The following DLEC1 variants were observed in gnomAD, a reference collection of about 807,000 sequenced individuals.
DLEC1 encodes deleted in lung and esophageal cancer protein 1.
DLEC1 carries 146 observed loss-of-function variants against 198.1 expected under a neutral mutation model. The ratio of observed to expected loss-of-function variants is 0.74; its 90% CI spans 0.64 to 0.85. DLEC1 has a LOEUF of 0.85. Among genes scored for constraint, DLEC1 ranks in the 40% least tolerant of loss-of-function variants. DLEC1 has a pLI of 0.00. For missense variants in DLEC1, 2,233 were observed against 2,220.0 expected, an observed-to-expected ratio of 1.01 and a Z score of -0.12; for synonymous variants, 897 against 866.8, an observed-to-expected ratio of 1.03 and a Z score of -0.61.
chr3:38,048,668 A>G (rs1055592378), intron 2 of DLEC1, among the ~76,000 whole-genome samples: 2 of 152,222 alleles, frequency 1.3e-5, no homozygotes, highest in African/African-American at 4.8e-5. Context: ...GTCTGCTGTC[A>G]AAACCCATGG....
chr3:38,053,059 C>T (rs554377862), intron 2 of DLEC1, among the ~76,000 whole-genome samples: 38 of 152,224 alleles, frequency 2.5e-4, no homozygotes, highest in Non-Finnish European at 4.7e-4. Flanking sequence ...CTCGAGGTGC[C>T]GGGATTGTAG....
At chr3:38,062,450 G>A (rs1696741420) in intron 4 of DLEC1, 82 bp downstream of exon 4, 1 of 1,588,874 alleles carries the variant, frequency 6.3e-7, no homozygotes, top group Admixed American at 1.7e-5. Flanking sequence ...GACATGAGAA[G>A]CTGTGATGAA....
In DLEC1 at chr3:38,112,350, C is replaced by G; in HGVS notation, c.3655C>G (p.Leu1219Val). 1 of 1,614,082 alleles carries G rather than the reference C, an allele frequency of 6.2e-7. No individual in the cohort carries two copies. The highest frequency in any genetic ancestry group is 8.5e-7 in the Non-Finnish European group (1 of 1,180,000). ...CATGTGGGGCGAGTACTGGGACAAC[C>G]TCATCTGCACGGTAAGGGTACACAA... is the stretch of plus-strand genomic sequence containing the variant. ...ANMWGEYWDN[L>V]ICTVGDLLPE... Residue 1219 changes from leucine (L) to valine (V), a missense_variant, in exon 25 of 37, where the codon CTC (leucine) becomes GTC (valine). Transcript: ENST00000308059. This position sits in a 1 kb window ranked among gnomAD's most constrained non-coding sequence, Gnocchi z 4.8.
chr3:38,101,189 G>A (rs1006031374), intron 19 of DLEC1, among the ~76,000 whole-genome samples: 4 of 152,124 alleles, frequency 2.6e-5, no homozygotes, highest in Non-Finnish European at 5.9e-5. Flanking sequence ...TGGGCATGGT[G>A]GCTCACGCCT....
chr3:38,110,279 C>T lies in DLEC1; in HGVS notation c.3441C>T (p.Ser1147=). 1 of 1,614,050 alleles carries T rather than the reference C, an allele frequency of 6.2e-7. No homozygotes were observed. The highest frequency in any genetic ancestry group is 8.5e-7 in the Non-Finnish European group (1 of 1,179,984). Residue 1147 remains serine (S), a splice_region_variant and synonymous_variant, in exon 23 of 37, where the codon AGC becomes AGT. Coordinates refer to ENST00000308059, the MANE Select transcript of DLEC1 (RefSeq NM_007335.4). ...SPQNSLSKKT[S]LPNMPPALLK... is the part of the protein sequence containing the mutation. ...AAAACAGCCTGAGCAAAAAGACCAG[C>T]CTGTAAGTCTTGCTTCTTTCACTTC...
chr3:38,114,222 A>AG, intron 25 of DLEC1, 120 bp from the exon 26 acceptor site: 1 of 815,274 alleles, frequency 1.2e-6, no homozygotes, highest in South Asian at 1.6e-5. Context: ...AGTGGTACAC[A>AG]GTGAGGCTGG....
chr3:38,116,986 T>A lies in DLEC1; in HGVS notation c.4191T>A (p.Ala1397=). The A allele has an allele frequency of 6.2e-7, 1 of 1,613,884 alleles. No individual in the cohort carries two copies. Among genetic ancestry groups the A allele is most frequent in the East Asian group, 2.2e-5 (1 of 44,886 alleles). The change falls in exon 30 of 37, where the codon GCT becomes GCA. Residue 1397 remains alanine, a synonymous_variant. Coordinates refer to ENST00000308059, the MANE Select transcript of DLEC1 (RefSeq NM_007335.4). ...CISPKQVVVP[A]GGSSTIYISF... ...TGTGTCTATGCCAGGTGGTCCCTGCTGGGGGCAGCAGTACCATCTACATCT... is the reference window on the plus strand; with the variant it reads ...TGTGTCTATGCCAGGTGGTCCCTGCAGGGGGCAGCAGTACCATCTACATCT...
Position 38,122,645 on chromosome 3 carries a change from T to C in DLEC1, c.*233T>C, listed in dbSNP as rs1238990853. 4.0e-6 allele frequency: 6 copies of C among 1,494,666 alleles called. No individual in the cohort carries two copies. The highest frequency in any genetic ancestry group is 2.6e-5 in the South Asian group (2 of 75,524). The allele number at this position is 1,494,666 out of a possible 1,614,324, so 92.6% of individuals were successfully genotyped here. On this transcript the variant is annotated 3_prime_UTR_variant, in exon 37 of 37. Coordinates refer to ENST00000308059, the MANE Select transcript of DLEC1 (RefSeq NM_007335.4). ...CACAGCAGAGACCACCACATTGAGA[T>C]CACTACTCAGTGCATAGCGAAGACC... is the stretch of plus-strand genomic sequence containing the variant.
Position 38,117,284 on chromosome 3 carries a change from G to A in DLEC1, c.4382G>A (p.Ser1461Asn), listed in dbSNP as rs1384957444. Residue 1461 changes from serine to asparagine, a missense_variant, in exon 31 of 37, where the codon AGC becomes AAC. Transcript: ENST00000308059. ...GGACCCCTGAAACTGGACCTGCATA[G>A]CTACGTGAGGCCTGCACAGTGAGTC... ...AVGPLKLDLH[S>N]YVRPAQLSVE... is the part of the protein sequence containing the mutation. The A allele has an allele frequency of 2.5e-6, 4 of 1,614,132 alleles. No homozygotes were observed. Among genetic ancestry groups the A allele is most frequent in the South Asian group, 1.1e-5 (1 of 91,074 alleles).
intron 18 of DLEC1, 97 bp downstream of exon 18, chr3:38,097,999 C>T (rs1203826584): frequency 2.8e-5 from 42 of 1,486,512 alleles, no homozygotes; most frequent in African/African-American, 2.2e-4. Flanking sequence ...ATCAGAGCTT[C>T]GAGGCTGGTG....
At chr3:38,100,264 T>A in intron 18 of DLEC1, 22 bp from the exon 19 acceptor site, 1 of 1,596,618 alleles carries the variant, frequency 6.3e-7, no homozygotes, top group Admixed American at 1.8e-5. Flanking sequence ...GTGCTCATCC[T>A]CCTGAGTGTT....
chr3:38,104,254 C>T (rs559998864), intron 19 of DLEC1, among the ~76,000 whole-genome samples: 25 of 152,176 alleles, frequency 1.6e-4, no homozygotes, highest in African/African-American at 5.5e-4. Flanking sequence ...GTCAGGAGTA[C>T]GAGACCAGGC....
At chr3:38,114,812 T>C (rs1245549953) in intron 26 of DLEC1, among the ~76,000 whole-genome samples, 171 bp from the exon 27 acceptor site, 1 of 152,134 alleles carries the variant, frequency 6.6e-6, no homozygotes, top group Non-Finnish European at 1.5e-5. Flanking sequence ...AGAGCCCAGC[T>C]CACCTGGTGC....
chr3:38,096,250 C>A (rs973375206), intron 14 of DLEC1, among the ~76,000 whole-genome samples: 2 of 152,182 alleles, frequency 1.3e-5, no homozygotes, highest in Admixed American at 1.3e-4. Context: ...GGAGGAAAAG[C>A]TTTGCCCCCA....
rs75961453 is a variant in DLEC1, at chr3:38,062,358, A to G, written c.863A>G (p.Glu288Gly). The change falls in exon 4 of 37, where the codon GAA (glutamate) becomes GGA (glycine). Residue 288 changes from glutamate to glycine, a missense_variant. By Grantham distance (98) the Glu-to-Gly change is moderately conservative. Coordinates refer to ENST00000308059, the MANE Select transcript of DLEC1 (RefSeq NM_007335.4). Reference protein sequence around the residue: ...LTPKAKERTREPLKKASQPRN... With the variant: ...LTPKAKERTRGPLKKASQPRN... ...CCTAAGGCCAAAGAAAGGACCAGAG[A>G]ACCTCTCAAGGTCAGTTTGGAAGGC... The G allele has an allele frequency of 1.2e-3, 1,975 of 1,614,194 alleles. 29 individuals are homozygous for G. The African/African-American group carries it at 0.023, about 19-fold the overall frequency.
chr3:38,097,479 C>A, intron 16 of DLEC1, 28 bp from the exon 17 acceptor site: 4 of 1,613,200 alleles, frequency 2.5e-6, no homozygotes, highest in Non-Finnish European at 3.4e-6. Flanking sequence ...CTTCTCCTCT[C>A]CACCTCTCCC....
At chr3:38,098,038 C>CT (rs1699125648) in intron 18 of DLEC1, 136 bp downstream of exon 18, 2 of 1,093,056 alleles carry the variant, frequency 1.8e-6, no homozygotes, top group Non-Finnish European at 2.6e-6. Context: ...TGACTTCGGC[C>CT]TGGCGGTGCC....
rs934499264 is a variant in DLEC1, at chr3:38,123,606, G to A, written c.*1194G>A. The A allele has an allele frequency of 6.3e-6, 1 of 159,574 alleles. No homozygotes were observed. The highest frequency in any genetic ancestry group is 2.4e-5 in the African/African-American group (1 of 41,514). 9.9% of individuals were successfully genotyped at this position (159,574 alleles called of 1,614,324 possible). ...TAGTCCCAGCTATTCAGCAGGCTGA[G>A]GCAAGAGGATCACTTGTGCCTAGGA... is the stretch of plus-strand genomic sequence containing the variant. On this transcript the variant is annotated 3_prime_UTR_variant, in exon 37 of 37. Transcript: ENST00000308059.
chr3:38,084,102 T>A, intron 6 of DLEC1, 56 bp from the exon 7 acceptor site: 3 of 1,513,204 alleles, frequency 2.0e-6, no homozygotes, highest in Non-Finnish European at 2.7e-6. Flanking sequence ...CTGGACATCG[T>A]ATCATTTCGT....
Sources: allele counts gnomAD v4.1 joint callset (sites outside exome capture counted in the v4.1 genomes callset), GRCh38; gene constraint gnomAD v4.1.1; non-coding constraint Gnocchi (gnomAD v3.1); transcripts MANE v1.5; gene names NCBI Gene and HGNC (gene_info 2026-07-23, HGNC 2026-07-21).